The following CANX variants were observed in gnomAD, a reference collection of about 807,000 sequenced individuals.
CANX encodes epididymis secretory sperm binding protein.
CANX carries 14 observed loss-of-function variants against 75.7 expected under a neutral mutation model. The observed-to-expected ratio is 0.19, with a 90% CI of 0.12 to 0.29. CANX has a LOEUF of 0.29. CANX is among the 10% of genes least tolerant of loss of function. The probability of loss-of-function intolerance (pLI) is 1.00; values close to 1 mark genes in which losing one functional copy is unlikely to be tolerated. For synonymous variants in CANX, 227 were observed against 236.9 expected (o/e 0.96, Z 0.38); for missense variants, 567 against 713.2 (o/e 0.79, Z 2.34).
chr5:179,705,836 C>T lies in CANX; in HGVS notation c.155C>T (p.Pro52Leu), dbSNP rs775866282. 4.3e-6 allele frequency: 7 copies of T among 1,613,368 alleles called. No individual in the cohort carries two copies. Among genetic ancestry groups the T allele is most frequent in the South Asian group, 3.3e-5 (3 of 91,030 alleles). ...VEDSKPDTTA[P>L]PSSPKVTYKA... ...GACTCAAAACCAGATACCACTGCTC[C>T]TCCTTCATCTCCCAAGGTTTGAAAT... Residue 52 changes from proline (P) to leucine (L), a missense_variant, in exon 2 of 15, where the codon CCT (proline) becomes CTT (leucine). Coordinates refer to ENST00000247461, the MANE Select transcript of CANX (RefSeq NM_001746.4).
At chr5:179,686,631 T>G (rs1411298153) in intron 1 of CANX, among the ~76,000 whole-genome samples, 1 of 151,924 alleles carries the variant, frequency 6.6e-6, no homozygotes, top group Admixed American at 6.6e-5. Context: ...CCCTGCTAAC[T>G]TTTGTATTTT....
upstream of CANX, chr5:179,698,269 A>T: frequency 2.9e-6 from 1 of 349,748 alleles, no homozygotes; most frequent in Non-Finnish European, 4.3e-6. Flanking sequence ...ACCTAATCTC[A>T]CTTCAGGAAA....
rs1420529394 is a variant in CANX, at chr5:179,679,403, C to T, written c.-4+626C>T. 5 of 697,956 alleles carry T rather than the reference C, an allele frequency of 7.2e-6. No homozygotes were observed. In the African/African-American group the frequency reaches 9.0e-5, roughly 13 times the overall value. 43.2% of individuals were successfully genotyped at this position (697,956 alleles called of 1,614,324 possible). ...AGCTGCTGGCCACCGAGGAGCCCGT[C>T]GTTCCACGCTGCACAGGCAGCAGTC... is the stretch of plus-strand genomic sequence containing the variant. On this transcript the variant is annotated intron_variant, in intron 1 of 14. Coordinates refer to the CANX transcript ENST00000681674.
chr5:179,722,494 T>C (rs936784237), intron 10 of CANX, among the ~76,000 whole-genome samples: 4 of 152,232 alleles, frequency 2.6e-5, no homozygotes, highest in African/African-American at 9.6e-5. Context: ...TACTGACTTA[T>C]GCTCCCACTC....
chr5:179,711,766 C>T (rs373376340), intron 7 of CANX, among the ~76,000 whole-genome samples: 10 of 132,784 alleles, frequency 7.5e-5, no homozygotes, highest in African/African-American at 1.5e-4. Flanking sequence ...CCAGCCTGGG[C>T]GACAGGAAGA....
chr5:179,707,164 C>T lies in CANX; in HGVS notation c.278C>T (p.Thr93Ile). The part of the protein sequence containing the change: ...WILSKAKKDD[T>I]DDEIAKYDGK... ...TTATCCAAAGCCAAGAAAGACGATA[C>T]CGATGATGAAATTGCCAAATATGAT... The change falls in exon 4 of 15, where the codon ACC (threonine) becomes ATC (isoleucine). Residue 93 changes from threonine (T) to isoleucine (I), a missense_variant. Thr to Ile is a moderately conservative substitution (Grantham distance 89, BLOSUM62 -1). Coordinates refer to ENST00000247461, the MANE Select transcript of CANX (RefSeq NM_001746.4). 1 of 1,599,314 alleles carries T rather than the reference C, an allele frequency of 6.3e-7. No homozygotes were observed.
chr5:179,678,839 C>T lies in CANX; in HGVS notation c.-4+62C>T, dbSNP rs776658976. 13 of 1,536,946 alleles carry T rather than the reference C, an allele frequency of 8.5e-6. No homozygotes were observed. The South Asian group carries it at 1.5e-4, about 18-fold the overall frequency. On this transcript the variant is annotated intron_variant, in intron 1 of 14. Coordinates refer to the CANX transcript ENST00000681674. ...CCGCTGCACCTGCGCCTTCCAGCCC[C>T]AGGCGGTCCGCGAGAGCAGCGGCGA...
At chr5:179,688,361 A>ATTTT (rs35948508) in intron 1 of CANX, among the ~76,000 whole-genome samples, 7 of 95,642 alleles carry the variant, frequency 7.3e-5, no homozygotes, top group Admixed American at 2.5e-4. Flanking sequence ...CCTAAGGTCA[A>ATTTT]TTTTTTTTTT....
intron 11 of CANX, chr5:179,723,387 A>G (rs1778437637): frequency 2.2e-6 from 1 of 446,142 alleles, no homozygotes; most frequent in South Asian, 4.1e-5. Flanking sequence ...GGATACTGAG[A>G]TAAGAAATTC....
chr5:179,694,618 C>T (rs905718545), upstream of CANX: 20 of 975,952 alleles, frequency 2.0e-5, no homozygotes, highest in Admixed American at 5.3e-5. Flanking sequence ...ATCACTAAGA[C>T]GGCAAAGCTG....
At chr5:179,694,429 G>A, upstream of CANX, 1 of 665,384 alleles carries the variant, frequency 1.5e-6, no homozygotes, top group Non-Finnish European at 2.7e-6. Context: ...CCAGCTAAGG[G>A]AGGCAAGAAG....
In CANX at chr5:179,692,340, G is replaced by A. The variant is rs1776312547; in HGVS notation, c.-3-13339G>A. Among the ~76,000 whole-genome samples, 5 of 152,178 alleles carry A rather than the reference G, an allele frequency of 3.3e-5. No homozygotes were observed. In the South Asian group the frequency reaches 1.0e-3, roughly 32 times the overall value. The stretch of plus-strand genomic sequence containing the variant: ...TCTGCCCATCTCGGTCTCCCAAAGT[G>A]CTGGGATTACAGGCATGAGCCGCTA... On this transcript the variant is annotated intron_variant, in intron 1 of 14. Coordinates refer to the CANX transcript ENST00000681674.
Position 179,706,291 on chromosome 5 carries a change from G to A in CANX, c.205G>A (p.Val69Ile), listed in dbSNP as rs1777133953. ...CAAAGCTCCAGTTCCAACAGGGGAA[G>A]TATATTTTGCTGATTCTTTTGACAG... ...TYKAPVPTGE[V>I]YFADSFDRGT... is the part of the protein sequence containing the mutation. Residue 69 changes from valine (V) to isoleucine (I), a missense_variant, in exon 3 of 15, where the codon GTA (valine) becomes ATA (isoleucine). Physicochemically the swap from Val to Ile is conservative, Grantham distance 29 (BLOSUM62 3). Transcript: ENST00000247461. 6.2e-7 allele frequency: 1 copy of A among 1,601,488 alleles called. No individual in the cohort carries two copies. The highest frequency in any genetic ancestry group is 8.6e-7 in the Non-Finnish European group (1 of 1,169,516).
rs568035164 is a variant in CANX at position 179,693,360 on chromosome 5, T to C, written c.-3-12319T>C. On this transcript the variant is annotated intron_variant, in intron 1 of 14. Transcript: ENST00000681674. The stretch of plus-strand genomic sequence containing the variant: ...TTTGAGACCAGCCTGGGCAAGAAAG[T>C]GAGACTCTATCTCTACAAAAAATAA... Among the ~76,000 whole-genome samples, 7 of 67,974 alleles carry C rather than the reference T, an allele frequency of 1.0e-4. 1 individual carries two copies. The highest frequency in any genetic ancestry group is 5.2e-4 in the Admixed American group (3 of 5,734). 44.6% of individuals were successfully genotyped at this position (67,974 alleles called of 152,430 possible).
chr5:179,683,562 C>G (rs1203326092), intron 1 of CANX, among the ~76,000 whole-genome samples: 1 of 151,790 alleles, frequency 6.6e-6, no homozygotes, highest in Non-Finnish European at 1.5e-5. Context: ...TGAGAGGAGT[C>G]TCACTTTGTT....
rs1409437353 is a variant in CANX, at chr5:179,699,028, C to T, written c.-78C>T. On this transcript the variant is annotated 5_prime_UTR_variant, in exon 1 of 15. Coordinates refer to ENST00000247461, the MANE Select transcript of CANX (RefSeq NM_001746.4). ...ACGGTCGGGCCGCCTCCGCCTCTCT[C>T]TTTACTGCGGCGCGGGGCAAGGTGT... The T allele has an allele frequency of 9.0e-7, 1 of 1,111,010 alleles. No individual in the cohort carries two copies. The highest frequency in any genetic ancestry group is 9.9e-5 in the East Asian group (1 of 10,084). 68.8% of individuals were successfully genotyped at this position (1,111,010 alleles called of 1,614,324 possible).
chr5:179,694,878 G>T (rs1776364987), upstream of CANX: 1 of 363,454 alleles, frequency 2.8e-6, no homozygotes, highest in Non-Finnish European at 5.1e-6. Flanking sequence ...CATGAGCAAG[G>T]ATGAGGGTGG....
intron 1 of CANX, chr5:179,680,881 A>G (rs1776046855): frequency 1.3e-6 from 2 of 1,536,794 alleles, no homozygotes; most frequent in Non-Finnish European, 1.7e-6. Context: ...ACCATCCCCA[A>G]GATCTGGTTC....
intron 14 of CANX, 143 bp downstream of exon 14, chr5:179,726,902 T>G: frequency 6.5e-6 from 4 of 616,576 alleles, no homozygotes; most frequent in Non-Finnish European, 1.2e-5. Flanking sequence ...GGATTCTTTG[T>G]GATACAGGTC....
Sources: gnomAD v4.1 joint callset for allele counts (sites outside exome capture counted in the v4.1 genomes callset) on GRCh38, gnomAD v4.1.1 for gene constraint, MANE v1.5 for transcripts, NCBI Gene and HGNC (gene_info 2026-07-23, HGNC 2026-07-21) for gene names.